STK31: variants seen among roughly 807,000 people sequenced by gnomAD.
STK31 encodes serine/threonine-protein kinase 31.
STK31 carries 89 observed loss-of-function variants against 129.7 expected under a neutral mutation model. That is an observed-to-expected ratio of 0.69 (90% CI 0.58 to 0.82). The LOEUF (loss-of-function observed/expected upper bound fraction) is 0.82, where lower values mean the gene tolerates loss of function less well. STK31 is among the 40% of genes least tolerant of loss of function. STK31 has a pLI of 0.00. For synonymous variants in STK31, 448 were observed against 395.3 expected (o/e 1.13, Z -1.58); for missense variants, 1,187 against 1,176.4 (o/e 1.01, Z -0.13).
At chr7:23,748,337 G>A (rs1260169947) in intron 8 of STK31, among the ~76,000 whole-genome samples, 2 of 152,068 alleles carry the variant, frequency 1.3e-5, no homozygotes, top group Non-Finnish European at 2.9e-5. Flanking sequence ...TTTTAACTCT[G>A]TTAAGGTGTG....
chr7:23,788,043 A>G lies in STK31; in HGVS notation c.2551A>G (p.Ile851Val), dbSNP rs769727353. ...GLHTLHKADI[I>V]HGSLHQNNVF... ...GCATACATTGCATAAGGCTGACATA[A>G]TTCATGGATCACTTCATCAGAACAA... Residue 851 changes from isoleucine (I) to valine (V), a missense_variant, in exon 21 of 24, where the codon ATT (isoleucine) becomes GTT (valine). This residue lies in a region of STK31 where 975 missense variants were observed against 934.9 expected (regional missense o/e 1.04). Coordinates refer to ENST00000355870, the MANE Select transcript of STK31 (RefSeq NM_031414.5). The G allele has an allele frequency of 8.1e-6, 13 of 1,611,898 alleles. No individual in the cohort carries two copies. The highest frequency in any genetic ancestry group is 1.1e-5 in the Non-Finnish European group (13 of 1,178,970).
At chr7:23,734,654 G>A (rs544560434) in intron 6 of STK31, among the ~76,000 whole-genome samples, 1 of 152,236 alleles carries the variant, frequency 6.6e-6, no homozygotes, top group Admixed American at 6.5e-5. Context: ...TTAAGCAAAA[G>A]TCTATTTAAG....
chr7:23,737,036 G>A lies in STK31; in HGVS notation c.975G>A (p.Lys325=). The part of the protein sequence containing the change: ...TEKDALLESY[K]ALELKVEQIA... ...AGGACGCTCTTCTTGAAAGTTATAA[G>A]GCGTTAGAATTGAAAGTAGAGCAGA... The change falls in exon 8 of 24, where the codon AAG becomes AAA. Residue 325 remains lysine, a synonymous_variant. Coordinates refer to ENST00000355870, the MANE Select transcript of STK31 (RefSeq NM_031414.5). 1 of 1,611,684 alleles carries A rather than the reference G, an allele frequency of 6.2e-7. No homozygotes were observed. Among genetic ancestry groups the A allele is most frequent in the South Asian group, 1.1e-5 (1 of 90,882 alleles).
intron 23 of STK31, among the ~76,000 whole-genome samples, chr7:23,820,142 A>G (rs1414169958): frequency 2.0e-5 from 3 of 152,186 alleles, no homozygotes; most frequent in Non-Finnish European, 2.9e-5. Flanking sequence ...CCCATAATTC[A>G]ATTCCATTGT....
At chr7:23,766,085 G>C (rs1789807546) in intron 11 of STK31, among the ~76,000 whole-genome samples, 1 of 152,116 alleles carries the variant, frequency 6.6e-6, no homozygotes, top group African/African-American at 2.4e-5. Flanking sequence ...TTTTCTCTAA[G>C]AGTGCTTTCA....
intron 22 of STK31, chr7:23,811,305 C>G (rs568486471): frequency 4.6e-5 from 19 of 415,832 alleles, no homozygotes; most frequent in African/African-American, 3.8e-4. Context: ...ATTTGTTCTG[C>G]AGCTTCTGCC....
intron 8 of STK31, among the ~76,000 whole-genome samples, chr7:23,739,739 C>A (rs1048219201): frequency 5.3e-5 from 8 of 152,112 alleles, no homozygotes; most frequent in African/African-American, 1.9e-4. Flanking sequence ...GAATCCTTTC[C>A]CCATTGCTTG....
chr7:23,789,905 C>T (rs1791514358), intron 21 of STK31, among the ~76,000 whole-genome samples: 1 of 152,062 alleles, frequency 6.6e-6, no homozygotes, highest in South Asian at 2.1e-4. Context: ...GCTACATTTT[C>T]CATGCAATTT....
intron 4 of STK31, chr7:23,721,560 G>A: frequency 1.1e-6 from 1 of 926,992 alleles, no homozygotes; most frequent in South Asian, 1.3e-5. Context: ...TTCCTTTTGG[G>A]TGGAGCCCTT....
chr7:23,767,980 A>G (rs999500152), intron 11 of STK31, among the ~76,000 whole-genome samples: 4 of 151,968 alleles, frequency 2.6e-5, no homozygotes, highest in African/African-American at 9.7e-5. Context: ...GGCTGTGCCT[A>G]TCTTGTCTTT....
chr7:23,827,385 G>T (rs1181205249), intron 23 of STK31, among the ~76,000 whole-genome samples: 2 of 151,752 alleles, frequency 1.3e-5, no homozygotes, highest in Admixed American at 6.6e-5. Flanking sequence ...CCAGTTGATC[G>T]CGTCGGTTAC....
At chr7:23,829,981 C>A (rs541848818) in intron 23 of STK31, among the ~76,000 whole-genome samples, 1 of 151,894 alleles carries the variant, frequency 6.6e-6, no homozygotes, top group Non-Finnish European at 1.5e-5. Context: ...ACAGAGTCTC[C>A]CTCTGTTGCC....
intron 7 of STK31, 28 bp from the exon 8 acceptor site, chr7:23,736,876 G>A: frequency 6.4e-7 from 1 of 1,572,060 alleles, no homozygotes; most frequent in South Asian, 1.2e-5. Flanking sequence ...CAGTTTGTTT[G>A]TCAAAATAAA....
At chr7:23,750,862 A>G (rs1371461656) in intron 8 of STK31, among the ~76,000 whole-genome samples, 3 of 152,248 alleles carry the variant, frequency 2.0e-5, no homozygotes, top group African/African-American at 7.2e-5. Context: ...TCAAGGATTT[A>G]TCATTTCTGT....
At chr7:23,710,848 AT>A in intron 1 of STK31, 1 of 959,912 alleles carries the variant, frequency 1.0e-6, no homozygotes, top group South Asian at 4.7e-5. Context: ...TTCCAAAGTA[AT>A]TTTAACTTTT....
At chr7:23,740,147 G>T (rs1310560743) in intron 8 of STK31, among the ~76,000 whole-genome samples, 1 of 152,078 alleles carries the variant, frequency 6.6e-6, no homozygotes, top group African/African-American at 2.4e-5. Context: ...TTGCTGTGTT[G>T]CTTAGGCTGG....
chr7:23,804,138 A>G (rs560207133), intron 22 of STK31, among the ~76,000 whole-genome samples: 1 of 152,096 alleles, frequency 6.6e-6, no homozygotes, highest in East Asian at 1.9e-4. Context: ...GGCTGGTCTC[A>G]AACTCCTGAG....
At chr7:23,710,136 G>T (rs538366449), upstream of STK31, 34 of 1,390,434 alleles carry the variant, frequency 2.4e-5, no homozygotes, top group African/African-American at 1.7e-4. Context: ...CTTCCTAGGC[G>T]GCAGGCCGTG....
intron 15 of STK31, among the ~76,000 whole-genome samples, chr7:23,775,615 A>G (rs890364291): frequency 1.5e-4 from 23 of 152,128 alleles, no homozygotes; most frequent in Non-Finnish European, 2.8e-4. Flanking sequence ...TTCACTCATG[A>G]TTTGGCTCTC....
Sources: gnomAD v4.1 joint callset for allele counts (sites outside exome capture counted in the v4.1 genomes callset) on GRCh38, gnomAD v4.1.1 for gene constraint, gnomAD v4.1.1 regional missense constraint, MANE v1.5 for transcripts, NCBI Gene and HGNC (gene_info 2026-07-23, HGNC 2026-07-21) for gene names.